Variants in KLHL4 observed in about 807,000 individuals in gnomAD.
KLHL4 encodes kelch-like protein 4.
Under a neutral mutation model 45.8 loss-of-function variants are expected in KLHL4, and 17 were observed. That is an observed-to-expected ratio of 0.37 (90% CI 0.25 to 0.56). The LOEUF (loss-of-function observed/expected upper bound fraction) is 0.56, where lower values mean the gene tolerates loss of function less well. Among genes scored for constraint, KLHL4 ranks in the 20% least tolerant of loss-of-function variants. The pLI, the probability that KLHL4 is intolerant of heterozygous loss-of-function variation, is 0.79. For synonymous variants in KLHL4, 224 were observed against 189.9 expected, an observed-to-expected ratio of 1.18 and a Z score of -1.47; for missense variants, 544 against 544.9, an observed-to-expected ratio of 1.00 and a Z score of 0.02.
chrX:87,578,704 A>T (rs1163586813), intron 1 of KLHL4, among the ~76,000 whole-genome samples: 1 of 111,949 alleles, frequency 8.9e-6, no homozygotes, highest in Non-Finnish European at 1.9e-5. Flanking sequence ...CCTTAGGGAA[A>T]ATTAGAGCAT....
intron 1 of KLHL4, among the ~76,000 whole-genome samples, chrX:87,552,929 G>A (rs1931866896): frequency 2.7e-5 from 3 of 110,109 alleles, no homozygotes; most frequent in Admixed American, 1.9e-4. Flanking sequence ...TAACTTAATT[G>A]TATATTTTAA....
At chrX:87,553,402 A>T (rs1931881517) in intron 1 of KLHL4, among the ~76,000 whole-genome samples, 1 of 110,790 alleles carries the variant, frequency 9.0e-6, no homozygotes, top group Admixed American at 9.7e-5. Flanking sequence ...AAATATATTA[A>T]TTTATATTTA....
intron 9 of KLHL4, among the ~76,000 whole-genome samples, chrX:87,640,009 T>C (rs192380275): frequency 1.8e-5 from 2 of 110,828 alleles, no homozygotes; most frequent in East Asian, 2.8e-4. Flanking sequence ...AAATGGGAGA[T>C]ATTACAACCA....
chrX:87,547,500 A>G (rs1931708291), intron 1 of KLHL4, among the ~76,000 whole-genome samples: 1 of 111,551 alleles, frequency 9.0e-6, no homozygotes. Flanking sequence ...ACAGACTAAA[A>G]CAGAGACAAA....
At chrX:87,548,943 A>G (rs1342361815) in intron 1 of KLHL4, among the ~76,000 whole-genome samples, 1 of 110,190 alleles carries the variant, frequency 9.1e-6, no homozygotes, top group Non-Finnish European at 1.9e-5. Context: ...ATTGAATGTA[A>G]ATGGACTAAA....
intron 1 of KLHL4, among the ~76,000 whole-genome samples, chrX:87,563,230 C>T (rs1932137139): frequency 9.1e-6 from 1 of 109,860 alleles, no homozygotes; most frequent in Non-Finnish European, 1.9e-5. Context: ...CATTGAAAAA[C>T]ATTTAAAAGA....
At chrX:87,528,034 A>G (rs1384026241) in intron 1 of KLHL4, among the ~76,000 whole-genome samples, 3 of 111,050 alleles carry the variant, frequency 2.7e-5, no homozygotes, top group African/African-American at 9.8e-5. Context: ...GCCTAGAAAG[A>G]ATAGAGAATG....
At chrX:87,537,729 T>A (rs955771251) in intron 1 of KLHL4, among the ~76,000 whole-genome samples, 1 of 111,456 alleles carries the variant, frequency 9.0e-6, no homozygotes, top group African/African-American at 3.2e-5. Flanking sequence ...TATTTAGTTA[T>A]CTGTGTCAGT....
chrX:87,609,813 G>C (rs561812500), intron 1 of KLHL4, among the ~76,000 whole-genome samples: 11 of 111,231 alleles, frequency 9.9e-5, no homozygotes, highest in African/African-American at 3.6e-4. Flanking sequence ...TGCTTTTGGT[G>C]TTTTAGACAT....
intron 1 of KLHL4, among the ~76,000 whole-genome samples, chrX:87,581,364 A>G (rs1300482295): frequency 1.8e-5 from 2 of 112,207 alleles, no homozygotes; most frequent in Non-Finnish European, 3.8e-5. Flanking sequence ...CTCTCCGCAA[A>G]AGCAATCAGA....
chrX:87,559,977 C>T (rs1434848001), intron 1 of KLHL4, among the ~76,000 whole-genome samples: 1 of 111,784 alleles, frequency 8.9e-6, no homozygotes. Context: ...ATGTAGACTA[C>T]TGATGAATAT....
intron 9 of KLHL4, among the ~76,000 whole-genome samples, chrX:87,653,363 AC>A (rs1642097629): frequency 8.9e-6 from 1 of 112,105 alleles, no homozygotes. Context: ...CATGAGACCA[AC>A]AAACATGAAA....
intron 1 of KLHL4, among the ~76,000 whole-genome samples, chrX:87,547,132 C>T (rs1361710569): frequency 9.0e-6 from 1 of 111,414 alleles, no homozygotes; most frequent in Admixed American, 9.5e-5. Context: ...GGAGCCTGGG[C>T]AGAATAATAT....
At chrX:87,549,226 A>C (rs939943110) in intron 1 of KLHL4, among the ~76,000 whole-genome samples, 2 of 111,198 alleles carry the variant, frequency 1.8e-5, no homozygotes, top group Non-Finnish European at 3.8e-5. Flanking sequence ...ACATAATAGC[A>C]ACGTTAAATA....
At chrX:87,596,496 G>T (rs999024526) in intron 1 of KLHL4, among the ~76,000 whole-genome samples, 1 of 111,732 alleles carries the variant, frequency 8.9e-6, no homozygotes, top group Admixed American at 9.6e-5. Flanking sequence ...TTATTATATG[G>T]ATGAATGAAT....
intron 1 of KLHL4, among the ~76,000 whole-genome samples, chrX:87,607,255 G>A (rs891903604): frequency 9.0e-6 from 1 of 110,666 alleles, no homozygotes; most frequent in African/African-American, 3.3e-5. Context: ...TTGCACCCTA[G>A]CGCAACTCTC....
chrX:87,607,157 T>C (rs1922223830), intron 1 of KLHL4, among the ~76,000 whole-genome samples: 1 of 111,556 alleles, frequency 9.0e-6, no homozygotes, highest in Non-Finnish European at 1.9e-5. Flanking sequence ...CTATGCCATC[T>C]TTTTTATTCC....
rs770402496 is a variant in KLHL4, at chrX:87,617,916, T to C, written c.728-16T>C. 7 of 1,174,165 alleles carry C rather than the reference T, an allele frequency of 6.0e-6. No individual in the cohort carries two copies. In the South Asian group the frequency reaches 1.4e-4, roughly 23 times the overall value. ...ATGGAACTTATAATCATTCTTTGCT[T>C]TTTCAAACCATCTAGGAGTCCTGCA... On this transcript the variant is annotated splice_polypyrimidine_tract_variant and intron_variant, in intron 3 of 10. Transcript: ENST00000373119.
chrX:87,622,414 C>T lies in KLHL4; in HGVS notation c.1128C>T (p.Leu376=). The change falls in exon 5 of 11, where the codon CTC becomes CTT. Residue 376 remains leucine (L), a synonymous_variant. Transcript: ENST00000373119. ...TTTCTTACATCAGACTGCCATTACT[C>T]CCACCACAGGTATGGAAAATTACCT... ...MLLSYIRLPL[L]PPQLLADLET... The T allele has an allele frequency of 1.7e-6, 2 of 1,186,224 alleles. No homozygotes were observed. Among genetic ancestry groups the T allele is most frequent in the East Asian group, 3.0e-5 (1 of 33,511 alleles).
Sources: gnomAD v4.1 joint callset for allele counts (sites outside exome capture counted in the v4.1 genomes callset) on GRCh38, gnomAD v4.1.1 for gene constraint, MANE v1.5 for transcripts, NCBI Gene and HGNC (gene_info 2026-07-23, HGNC 2026-07-21) for gene names.